Variants in NELL1 observed in about 807,000 individuals in gnomAD.
NELL1 encodes the protein neural EGFL like 1.
A neutral mutation model predicts 107.4 loss-of-function variants in NELL1; 76 were observed. The observed-to-expected ratio is 0.71, with a 90% CI of 0.59 to 0.86. NELL1 has a LOEUF of 0.86. Ranked by LOEUF, NELL1 falls within the 40% of genes least tolerant of loss-of-function variation. The probability of loss-of-function intolerance (pLI) is 0.00; values close to 1 mark genes in which losing one functional copy is unlikely to be tolerated. For synonymous variants in NELL1, 353 were observed against 341.2 expected, an observed-to-expected ratio of 1.03 and a Z score of -0.38; for missense variants, 1,024 against 1,005.5, an observed-to-expected ratio of 1.02 and a Z score of -0.25.
At chr11:21,367,434 A>G (rs1316810104) in intron 14 of NELL1, among the ~76,000 whole-genome samples, 1 of 84,252 alleles carries the variant, frequency 1.2e-5, no homozygotes, top group Non-Finnish European at 2.9e-5. Context: ...ATTGCAAACC[A>G]CACGATATTA....
chr11:20,748,051 A>G lies in NELL1; in HGVS notation c.185-35629A>G, dbSNP rs78876040. Among the ~76,000 whole-genome samples the G allele has an allele frequency of 3.9e-3, 597 of 152,278 alleles. 1 individual carries two copies. The highest frequency in any genetic ancestry group is 0.014 in the African/African-American group (567 of 41,552). ...AGCTAAAGAGGGGTGAGCTTCTACT[A>G]AGAGTTAGCCCTCCAACATGTCAGT... On this transcript the variant is annotated intron_variant, in intron 2 of 19. Coordinates refer to ENST00000357134, the MANE Select transcript of NELL1 (RefSeq NM_006157.5).
In NELL1 at chr11:21,280,537, C is replaced by T. The variant is rs542668268; in HGVS notation, c.1549+51083C>T. Among the ~76,000 whole-genome samples the T allele has an allele frequency of 7.9e-5, 12 of 152,142 alleles. 1 individual carries two copies. In the South Asian group the frequency reaches 2.5e-3, roughly 32 times the overall value. On this transcript the variant is annotated intron_variant, in intron 14 of 19. Coordinates refer to ENST00000357134, the MANE Select transcript of NELL1 (RefSeq NM_006157.5). ...CTGTGCATTTGTGGGAGGGGGAGAG[C>T]ATAGTGATTCTGAGATATTGCATTG...
At chr11:21,547,302 G>T (rs1305389094) in intron 16 of NELL1, among the ~76,000 whole-genome samples, 2 of 151,848 alleles carry the variant, frequency 1.3e-5, no homozygotes, top group Non-Finnish European at 2.9e-5. Context: ...TATAGATGTG[G>T]TCATGAAAGG....
intron 12 of NELL1, among the ~76,000 whole-genome samples, chr11:21,095,356 C>T (rs1031095273): frequency 3.9e-5 from 6 of 152,122 alleles, no homozygotes; most frequent in African/African-American, 1.2e-4. Context: ...TGTCTTCTTC[C>T]GAGCCCTGCA....
rs903101057 is a variant in NELL1 at position 20,669,816 on chromosome 11, TG to T, written c.55+43del. ...GTGGCGGTTAGAGGGATCCGGGAAA[TG>T]GGGGTGCCCACAGACCACGGCGGCG... On this transcript the variant is annotated intron_variant, in intron 1 of 19. Coordinates refer to ENST00000357134, the MANE Select transcript of NELL1 (RefSeq NM_006157.5). This position sits in a 1 kb window ranked among gnomAD's most constrained non-coding sequence, Gnocchi z 4.4. 6.3e-7 allele frequency: 1 copy of T among 1,577,738 alleles called. No homozygotes were observed. The highest frequency in any genetic ancestry group is 8.7e-7 in the Non-Finnish European group (1 of 1,147,824).
At chr11:20,862,680 A>G (rs895379727) in intron 4 of NELL1, among the ~76,000 whole-genome samples, 1 of 146,420 alleles carries the variant, frequency 6.8e-6, no homozygotes, top group East Asian at 2.0e-4. Flanking sequence ...GTCATAGGAC[A>G]ATAGTGGAGG....
intron 4 of NELL1, among the ~76,000 whole-genome samples, chr11:20,866,814 A>C (rs1025108165): frequency 6.6e-6 from 1 of 152,300 alleles, no homozygotes; most frequent in East Asian, 1.9e-4. Context: ...CAATTTTATG[A>C]TGTCTCTCAT....
At chr11:21,279,850 G>C (rs939961486) in intron 14 of NELL1, among the ~76,000 whole-genome samples, 5 of 152,124 alleles carry the variant, frequency 3.3e-5, no homozygotes, top group Admixed American at 2.0e-4. Flanking sequence ...GATAAACTTT[G>C]TTACATCTAG....
intron 12 of NELL1, among the ~76,000 whole-genome samples, chr11:20,982,369 A>G (rs1050817006): frequency 3.9e-5 from 6 of 152,182 alleles, no homozygotes; most frequent in Admixed American, 1.3e-4. Flanking sequence ...GACGTCTTTC[A>G]GTTTTGCAGA....
At chr11:21,280,707 G>A (rs1354017911) in intron 14 of NELL1, among the ~76,000 whole-genome samples, 1 of 152,120 alleles carries the variant, frequency 6.6e-6, no homozygotes, top group East Asian at 1.9e-4. Context: ...GCAAGCCTCA[G>A]CAAAGCGGGC....
chr11:21,112,682 A>G (rs969635147), intron 12 of NELL1, among the ~76,000 whole-genome samples: 1 of 152,038 alleles, frequency 6.6e-6, no homozygotes, highest in Admixed American at 6.6e-5. Context: ...TGGGTTCAGA[A>G]TTGACCATTG....
intron 14 of NELL1, among the ~76,000 whole-genome samples, chr11:21,250,631 G>A (rs979376677): frequency 3.3e-5 from 5 of 152,052 alleles, no homozygotes; most frequent in Non-Finnish European, 5.9e-5. Context: ...TCAACCTTTG[G>A]GTAAGATTAA....
At chr11:20,785,548 A>G (rs1220470686) in intron 3 of NELL1, among the ~76,000 whole-genome samples, 1 of 152,232 alleles carries the variant, frequency 6.6e-6, no homozygotes, top group African/African-American at 2.4e-5. Flanking sequence ...AGTAGGAGGT[A>G]GATCTTGAGA....
At chr11:21,247,157 T>C (rs1858514609) in intron 14 of NELL1, among the ~76,000 whole-genome samples, 1 of 152,190 alleles carries the variant, frequency 6.6e-6, no homozygotes, top group Non-Finnish European at 1.5e-5. Flanking sequence ...GAGTGAGTGG[T>C]TGAGTGAATG....
chr11:21,522,050 T>G (rs533124526), intron 15 of NELL1, among the ~76,000 whole-genome samples: 2 of 152,164 alleles, frequency 1.3e-5, no homozygotes, highest in Non-Finnish European at 2.9e-5. Context: ...TTCTGCAGAC[T>G]GTCTCTTCAC....
At chr11:21,512,709 C>G (rs1855468909) in intron 15 of NELL1, among the ~76,000 whole-genome samples, 1 of 150,578 alleles carries the variant, frequency 6.6e-6, no homozygotes, top group Non-Finnish European at 1.5e-5. Context: ...ATTTCAAAGA[C>G]AAGGGAGACA....
At chr11:21,156,455 A>C (rs1174959280) in intron 13 of NELL1, among the ~76,000 whole-genome samples, 1 of 152,108 alleles carries the variant, frequency 6.6e-6, no homozygotes, top group Non-Finnish European at 1.5e-5. Context: ...TCTAGGCTAA[A>C]TAGTCAGAAA....
At chr11:21,208,546 G>T (rs1249510539) in intron 13 of NELL1, among the ~76,000 whole-genome samples, 6 of 152,062 alleles carry the variant, frequency 3.9e-5, no homozygotes, top group African/African-American at 1.4e-4. Context: ...AAAGGAGGAA[G>T]CTATTTCCCC....
chr11:21,004,525 G>A (rs985195541), intron 12 of NELL1, among the ~76,000 whole-genome samples: 2 of 152,002 alleles, frequency 1.3e-5, no homozygotes, highest in South Asian at 2.1e-4. Context: ...CCACCCATCC[G>A]GGCATCAGTC....
Sources: allele counts gnomAD v4.1 joint callset (sites outside exome capture counted in the v4.1 genomes callset), GRCh38; gene constraint gnomAD v4.1.1; non-coding constraint Gnocchi (gnomAD v3.1); transcripts MANE v1.5; gene names NCBI Gene and HGNC (gene_info 2026-07-23, HGNC 2026-07-21).